KCNMA1: variants seen among roughly 807,000 people sequenced by gnomAD.
The protein encoded by KCNMA1 is Calcium-activated potassium channel subunit alpha-1.
A neutral mutation model predicts 140.0 loss-of-function variants in KCNMA1; 29 were observed. The ratio of observed to expected loss-of-function variants is 0.21; its 90% CI spans 0.15 to 0.28. The LOEUF is 0.28. KCNMA1 is among the 10% of genes least tolerant of loss of function. KCNMA1 has a pLI of 1.00. For synonymous variants in KCNMA1, 612 were observed against 611.9 expected (o/e 1.00, Z 0.00); for missense variants, 880 against 1,602.2 (o/e 0.55, Z 7.70).
chr10:77,426,900 C>T (rs2097013669), intron 1 of KCNMA1, among the ~76,000 whole-genome samples: 1 of 152,250 alleles, frequency 6.6e-6, no homozygotes, highest in Admixed American at 6.5e-5. Context: ...ATACATTTTA[C>T]ATCGTGACCC....
intron 1 of KCNMA1, among the ~76,000 whole-genome samples, chr10:77,457,905 G>A (rs536400471): frequency 1.8e-4 from 28 of 151,462 alleles, no homozygotes; most frequent in Non-Finnish European, 3.7e-4. Context: ...CCTCACAATC[G>A]CAATGTAGTT....
chr10:77,027,534 A>C (rs1453173227), intron 16 of KCNMA1, among the ~76,000 whole-genome samples: 2 of 152,096 alleles, frequency 1.3e-5, no homozygotes, highest in Non-Finnish European at 2.9e-5. Flanking sequence ...AGAAGGTGAA[A>C]AGTCCAGGTC....
chr10:77,194,999 A>G (rs2039959115), intron 3 of KCNMA1, among the ~76,000 whole-genome samples: 1 of 152,166 alleles, frequency 6.6e-6, no homozygotes, highest in South Asian at 2.1e-4. Flanking sequence ...GGATAATTAT[A>G]ATGGCTTATA....
intron 2 of KCNMA1, among the ~76,000 whole-genome samples, chr10:77,297,762 T>C (rs2075556334): frequency 6.6e-6 from 1 of 152,186 alleles, no homozygotes; most frequent in East Asian, 1.9e-4. Flanking sequence ...AAGCTATGTT[T>C]GCTCTCCCAT....
chr10:77,352,642 GTGTGTGTT>G lies in KCNMA1; in HGVS notation c.540+51212_540+51219del, dbSNP rs969827009. Among the ~76,000 whole-genome samples the G allele has an allele frequency of 2.5e-4, 38 of 151,810 alleles. 1 individual carries two copies. Among genetic ancestry groups the G allele is most frequent in the South Asian group, 1.3e-3 (6 of 4,800 alleles). On this transcript the variant is annotated intron_variant, in intron 2 of 27. Coordinates refer to ENST00000286628, the MANE Select transcript of KCNMA1 (RefSeq NM_001161352.2). ...ACAGGGTGTGTGTGTGTGTGTGTGT[GTGTGTGTT>G]TGTGTGTGTGTGTTAACAAAACAAA...
At chr10:77,202,232 T>C (rs1236187743) in intron 3 of KCNMA1, among the ~76,000 whole-genome samples, 2 of 152,216 alleles carry the variant, frequency 1.3e-5, no homozygotes, top group Non-Finnish European at 2.9e-5. Flanking sequence ...ACCACAGTGA[T>C]ACAAATCAAC....
chr10:76,984,640 T>C (rs1247436837), intron 19 of KCNMA1, among the ~76,000 whole-genome samples: 1 of 152,192 alleles, frequency 6.6e-6, no homozygotes, highest in East Asian at 1.9e-4. Context: ...TTTGTGTAAA[T>C]AGATATTAGA....
chr10:77,624,993 C>T (rs1444604702), intron 1 of KCNMA1, among the ~76,000 whole-genome samples: 3 of 151,888 alleles, frequency 2.0e-5, no homozygotes, highest in African/African-American at 7.3e-5. Flanking sequence ...AGGAAATGTG[C>T]CCAAAGATAA....
intron 2 of KCNMA1, among the ~76,000 whole-genome samples, chr10:77,305,613 G>GA (rs746923625): frequency 5.1e-4 from 77 of 152,274 alleles, no homozygotes; most frequent in Non-Finnish European, 9.6e-4. Context: ...CAGGCCTGAA[G>GA]ACTAGGGTAA....
rs1926699 is a variant in KCNMA1, at chr10:77,142,489, G to A, written c.809-21441C>T. On this transcript the variant is annotated intron_variant, in intron 5 of 27. Coordinates refer to ENST00000286628, the MANE Select transcript of KCNMA1 (RefSeq NM_001161352.2). ...CATAAATGTGTATCTGAGTGAATGT[G>A]TATGGAAAATGTGACATACATACGC... 9.5e-3 allele frequency among the ~76,000 whole-genome samples: 1,444 copies of A among 152,286 alleles called. 14 individuals carry two copies. The highest frequency in any genetic ancestry group is 0.028 in the South Asian group (136 of 4,826).
chr10:77,620,005 C>T lies in KCNMA1; in HGVS notation c.378+17260G>A, dbSNP rs971017676. 5.9e-5 allele frequency among the ~76,000 whole-genome samples: 9 copies of T among 152,276 alleles called. No individual in the cohort carries two copies. In the South Asian group the frequency reaches 6.2e-4, roughly 11 times the overall value. ...ACTATGGACCACGCCAGGTCATCTC[C>T]GCTTTTCCCAGCAGGGATGTTGATC... is the stretch of plus-strand genomic sequence containing the variant. On this transcript the variant is annotated intron_variant, in intron 1 of 27. Transcript: ENST00000286628.
intron 1 of KCNMA1, among the ~76,000 whole-genome samples, chr10:77,480,700 C>G (rs545634553): frequency 1.3e-5 from 2 of 152,136 alleles, no homozygotes; most frequent in Non-Finnish European, 2.9e-5. Flanking sequence ...GACTCTGGAG[C>G]CACAGCTTGC....
At chr10:77,618,188 G>T (rs999611757) in intron 1 of KCNMA1, among the ~76,000 whole-genome samples, 11 of 152,184 alleles carry the variant, frequency 7.2e-5, no homozygotes, top group Non-Finnish European at 5.9e-5. Flanking sequence ...GGTCTTTAAT[G>T]ACTGTCTGAA....
intron 1 of KCNMA1, among the ~76,000 whole-genome samples, chr10:77,564,338 C>T (rs924048152): frequency 6.6e-6 from 1 of 152,034 alleles, no homozygotes; most frequent in Admixed American, 6.6e-5. Flanking sequence ...TTTGGGAGGC[C>T]GAGGCGGACA....
intron 14 of KCNMA1, among the ~76,000 whole-genome samples, chr10:77,045,576 G>C (rs1194155425): frequency 6.6e-6 from 1 of 152,226 alleles, no homozygotes; most frequent in African/African-American, 2.4e-5. Flanking sequence ...TCCACGGGCA[G>C]ACAGCTCCCC....
chr10:77,277,112 G>A (rs555634954), intron 2 of KCNMA1, among the ~76,000 whole-genome samples: 36 of 152,228 alleles, frequency 2.4e-4, no homozygotes, highest in African/African-American at 7.9e-4. Context: ...GCAAGTGGTC[G>A]TTGCCTTAAG....
rs1384161555 is a variant in KCNMA1 at position 77,025,240 on chromosome 10, G to GTATATATATATATATA, written c.1928+2582_1928+2583insTATATATATATATATA. ...GTACTCTAGTTGGAGAGGGGTGTGT[G>GTATATATATATATATA]TGTATATATATATATATATATATAT... On this transcript the variant is annotated intron_variant, in intron 16 of 27. Coordinates refer to ENST00000286628, the MANE Select transcript of KCNMA1 (RefSeq NM_001161352.2). Among the ~76,000 whole-genome samples, 210 of 65,190 alleles carry GTATATATATATATATA rather than the reference G, an allele frequency of 3.2e-3. 2 individuals are homozygous for GTATATATATATATATA. Among genetic ancestry groups the GTATATATATATATATA allele is most frequent in the Non-Finnish European group, 4.2e-3 (140 of 33,282 alleles). The allele number at this position is 65,190 out of a possible 152,430, so 42.8% of individuals were successfully genotyped here. A position where few individuals can be genotyped will look rare whatever the true frequency, so the allele number is the denominator to read the frequency against.
chr10:77,062,894 A>G (rs2095806653), intron 14 of KCNMA1, among the ~76,000 whole-genome samples: 1 of 152,310 alleles, frequency 6.6e-6, no homozygotes, highest in African/African-American at 2.4e-5. Context: ...TGAGAAGCCA[A>G]TGATGTTGTA....
chr10:76,994,445 C>T (rs1309687980), intron 19 of KCNMA1, among the ~76,000 whole-genome samples: 1 of 152,278 alleles, frequency 6.6e-6, no homozygotes, highest in Non-Finnish European at 1.5e-5. Flanking sequence ...TAATTCTAGT[C>T]GTAACATGAA....
Sources: gnomAD v4.1 joint callset for allele counts (sites outside exome capture counted in the v4.1 genomes callset) on GRCh38, gnomAD v4.1.1 for gene constraint, MANE v1.5 for transcripts, NCBI Gene and HGNC (gene_info 2026-07-23, HGNC 2026-07-21) for gene names.